The following LARGE1 variants were observed in gnomAD, a reference collection of about 807,000 sequenced individuals.
The protein encoded by LARGE1 is xylosyl- and glucuronyltransferase LARGE1.
LARGE1 carries 43 observed loss-of-function variants against 87.6 expected under a neutral mutation model. The ratio of observed to expected loss-of-function variants is 0.49; its 90% confidence interval spans 0.38 to 0.63. The LOEUF is 0.63. LARGE1 is among the 30% of genes least tolerant of loss of function. The pLI is 0.00. For missense variants in LARGE1, 802 were observed against 1,000.2 expected (o/e 0.80, Z 2.67); for synonymous variants, 434 against 394.6 (o/e 1.10, Z -1.18).
At chr22:33,267,799 C>A (rs1204101342), downstream of LARGE1, among the ~76,000 whole-genome samples, 1 of 151,566 alleles carries the variant, frequency 6.6e-6, no homozygotes, top group East Asian at 1.9e-4. Context: ...TGTTTCTGAT[C>A]TTCTCAATAT....
intron 6 of LARGE1, among the ~76,000 whole-genome samples, chr22:33,440,411 C>A (rs1040647207): frequency 2.0e-5 from 3 of 152,134 alleles, no homozygotes; most frequent in African/African-American, 4.8e-5. Flanking sequence ...CTCCTGGGCA[C>A]ACAGAGGAAG....
intron 3 of LARGE1, among the ~76,000 whole-genome samples, chr22:33,636,061 G>A (rs192658871): frequency 1.3e-5 from 2 of 152,144 alleles, no homozygotes; most frequent in Non-Finnish European, 2.9e-5. Flanking sequence ...GAAGCATCCA[G>A]GATTTTCTAT....
intron 2 of LARGE1, among the ~76,000 whole-genome samples, chr22:33,756,474 A>G (rs1201536270): frequency 6.6e-6 from 1 of 152,218 alleles, no homozygotes; most frequent in African/African-American, 2.4e-5. Context: ...GTTAAGGGTC[A>G]GGAGCAATTA....
intron 1 of LARGE1, among the ~76,000 whole-genome samples, chr22:33,830,796 C>T (rs1465496972): frequency 6.6e-6 from 1 of 152,204 alleles, no homozygotes; most frequent in Admixed American, 6.5e-5. Flanking sequence ...GCAGCAGATT[C>T]AGTGTCTGGT....
rs991200540 is a variant in LARGE1, at chr22:33,737,390, G to T, written c.106+23981C>A. On this transcript the variant is annotated intron_variant, in intron 2 of 14. Coordinates refer to ENST00000397394, the MANE Select transcript of LARGE1 (RefSeq NM_133642.5). Reference sequence around the variant, plus strand: ...CCCTCCCAGAGCTGTCAGTTTTGTGGAAGTAACACACGCTAAGTCCTGGCA... The same window carrying T: ...CCCTCCCAGAGCTGTCAGTTTTGTGTAAGTAACACACGCTAAGTCCTGGCA... 2.0e-5 allele frequency among the ~76,000 whole-genome samples: 3 copies of T among 152,162 alleles called. No homozygotes were observed. The South Asian group carries it at 6.2e-4, about 32-fold the overall frequency.
At chr22:33,903,353 A>G (rs943367161) in intron 1 of LARGE1, among the ~76,000 whole-genome samples, 2 of 152,212 alleles carry the variant, frequency 1.3e-5, no homozygotes, top group Admixed American at 1.3e-4. Flanking sequence ...GTGAGAAAAT[A>G]CATTAATATT....
chr22:33,688,052 G>A (rs547672206), intron 2 of LARGE1, among the ~76,000 whole-genome samples: 2 of 152,278 alleles, frequency 1.3e-5, no homozygotes, highest in South Asian at 2.1e-4. Flanking sequence ...CCAAGATAAC[G>A]CAGCAAGTAA....
At chr22:33,321,426 A>C (rs1936702527) in intron 10 of LARGE1, among the ~76,000 whole-genome samples, 1 of 152,158 alleles carries the variant, frequency 6.6e-6, no homozygotes, top group Non-Finnish European at 1.5e-5. Context: ...TATAAACCAT[A>C]ATGTTACCTC....
At chr22:33,558,254 A>G (rs1021737238) in intron 6 of LARGE1, among the ~76,000 whole-genome samples, 2 of 152,128 alleles carry the variant, frequency 1.3e-5, no homozygotes, top group Admixed American at 1.3e-4. Flanking sequence ...ATTGTCTTGA[A>G]AGGTCTTCTT....
intron 2 of LARGE1, among the ~76,000 whole-genome samples, chr22:33,701,757 C>T (rs2082410439): frequency 6.6e-6 from 1 of 152,230 alleles, no homozygotes; most frequent in Non-Finnish European, 1.5e-5. Context: ...TATCTGGCTG[C>T]TTTGCTCTCC....
intron 9 of LARGE1, among the ~76,000 whole-genome samples, chr22:33,360,197 C>T (rs1201895042): frequency 1.3e-5 from 2 of 149,208 alleles, no homozygotes; most frequent in Admixed American, 6.6e-5. Flanking sequence ...CCTGTAGTCC[C>T]AGCTACTTGG....
chr22:33,627,379 C>G (rs1490976808), intron 3 of LARGE1, among the ~76,000 whole-genome samples: 2 of 152,210 alleles, frequency 1.3e-5, no homozygotes, highest in African/African-American at 4.8e-5. Context: ...TACTGAAGCA[C>G]AGCCTTCCTT....
chr22:33,727,745 T>C (rs1449462926), intron 2 of LARGE1: 2 of 152,262 alleles, frequency 1.3e-5, no homozygotes, highest in Non-Finnish European at 2.9e-5. Flanking sequence ...ACAAATATAC[T>C]GGCTGATAAG....
chr22:33,885,828 C>T (rs1049431401), intron 1 of LARGE1, among the ~76,000 whole-genome samples: 4 of 152,138 alleles, frequency 2.6e-5, no homozygotes, highest in Non-Finnish European at 4.4e-5. Flanking sequence ...GCCAGGAGTT[C>T]GAGACCAGCC....
chr22:33,909,491 C>A (rs2065558255), intron 1 of LARGE1, among the ~76,000 whole-genome samples: 1 of 151,954 alleles, frequency 6.6e-6, no homozygotes, highest in African/African-American at 2.4e-5. Context: ...TCCCAAAGCC[C>A]ACAGCCCCTA....
the LARGE1 span, among the ~76,000 whole-genome samples, chr22:33,153,093 CAATT>C: frequency 1.3e-5 from 2 of 152,212 alleles, no homozygotes; most frequent in African/African-American, 4.8e-5. Flanking sequence ...GTATTTATCA[CAATT>C]AATTGGAATT....
Position 33,461,654 on chromosome 22 carries a change from TA to T in LARGE1, c.788-29390del, listed in dbSNP as rs796625223. On this transcript the variant is annotated intron_variant, in intron 6 of 14. Transcript: ENST00000397394. ...GTACCCTAGAACTTAAAGTATAATT[TA>T]AAAAAAAAAAGAAAAAAGAAAAAAA... 5.3e-3 allele frequency among the ~76,000 whole-genome samples: 502 copies of T among 94,980 alleles called. 3 individuals carry two copies. The highest frequency in any genetic ancestry group is 0.03 in the Middle Eastern group (5 of 164). 62.3% of individuals were successfully genotyped at this position (94,980 alleles called of 152,430 possible).
the LARGE1 span, among the ~76,000 whole-genome samples, chr22:33,073,772 A>G: frequency 1.3e-5 from 2 of 152,224 alleles, no homozygotes; most frequent in African/African-American, 2.4e-5. Flanking sequence ...AAATTGCGTT[A>G]ATACGAGTGA....
chr22:33,266,638 T>A (rs1434853047), intron 11 of LARGE1, among the ~76,000 whole-genome samples: 1 of 151,716 alleles, frequency 6.6e-6, no homozygotes, highest in East Asian at 1.9e-4. Flanking sequence ...TTGTCCAGCA[T>A]ATGTTTGTTC....
Sources: gnomAD v4.1 joint callset for allele counts (sites outside exome capture counted in the v4.1 genomes callset) on GRCh38, gnomAD v4.1.1 for gene constraint, MANE v1.5 for transcripts, NCBI Gene and HGNC (gene_info 2026-07-23, HGNC 2026-07-21) for gene names.